Variants in KCNH2 observed in about 807,000 individuals in gnomAD.
The protein encoded by KCNH2 is voltage-gated inwardly rectifying potassium channel KCNH2.
A neutral mutation model predicts 95.9 loss-of-function variants in KCNH2; 35 were observed. The observed-to-expected ratio is 0.37, with a 90% CI of 0.28 to 0.48. The LOEUF (loss-of-function observed/expected upper bound fraction) is 0.48, where lower values mean the gene tolerates loss of function less well. KCNH2 is among the 20% of genes least tolerant of loss of function. The pLI is 0.99. For synonymous variants in KCNH2, 786 were observed against 754.7 expected (o/e 1.04, Z -0.68); for missense variants, 1,274 against 1,702.9 (o/e 0.75, Z 4.43).
chr7:150,947,018 G>A lies in KCNH2; in HGVS notation c.3189C>T (p.Val1063=), dbSNP rs541394173. 5 of 1,610,038 alleles carry A rather than the reference G, an allele frequency of 3.1e-6. No individual in the cohort carries two copies. The highest frequency in any genetic ancestry group is 1.1e-5 in the South Asian group (1 of 90,794). ...TCATCTGCCTCTGTAGCAGCTGCAGGACAGTGGCCATGTCTGCACTCAGCC... is the reference window on the plus strand; with the variant it reads ...TCATCTGCCTCTGTAGCAGCTGCAGAACAGTGGCCATGTCTGCACTCAGCC... ...ETRLSADMAT[V]LQLLQRQMTL... The change falls in exon 14 of 15, where the codon GTC becomes GTT. Residue 1063 remains valine (V), a synonymous_variant. Coordinates refer to ENST00000262186, the MANE Select transcript of KCNH2 (RefSeq NM_000238.4).
Position 150,948,445 on chromosome 7 carries a change from C to G in KCNH2, c.2691G>C (p.Lys897Asn), listed in dbSNP as rs758917587. ...RKLSFRRRTD[K>N]DTEQPGEVSA... is the part of the protein sequence containing the mutation. ...CCTTCCTCCCCTCCCCCGCCTCACC[C>G]TTGTCCGTGCGCCTGCGGAAGGACA... Residue 897 changes from lysine (K) to asparagine (N), a missense_variant and splice_region_variant, in exon 11 of 15, where the codon AAG (lysine) becomes AAC (asparagine). Physicochemically the swap from Lys to Asn is moderately conservative, Grantham distance 94. This residue lies in a region of KCNH2 where 457 missense variants were observed against 416.1 expected (regional missense o/e 1.10). Transcript: ENST00000262186. The G allele has an allele frequency of 4.4e-6, 7 of 1,602,370 alleles. No homozygotes were observed. In the South Asian group the frequency reaches 7.7e-5, roughly 18 times the overall value.
Position 150,956,515 on chromosome 7 carries a change from C to T in KCNH2, c.1128+776G>A, listed in dbSNP as rs373070539. ...CTCCTGACCCACCCACCCCCAGCCC[C>T]CAAAGGCTAGGATAAGGTGTCGGGT... On this transcript the variant is annotated intron_variant, in intron 5 of 14. Transcript: ENST00000262186. Among the ~76,000 whole-genome samples, 4 of 152,328 alleles carry T rather than the reference C, an allele frequency of 2.6e-5. No homozygotes were observed. The East Asian group carries it at 7.7e-4, about 29-fold the overall frequency.
At position 150,974,790 on chromosome 7, in the gene KCNH2, G is replaced by T; in HGVS notation, c.228C>A (p.Arg76=). 6.2e-7 allele frequency: 1 copy of T among 1,604,416 alleles called. No individual in the cohort carries two copies. Among genetic ancestry groups the T allele is most frequent in the Non-Finnish European group, 8.5e-7 (1 of 1,175,826 alleles). The change falls in exon 2 of 15, where the codon CGC becomes CGA. Residue 76 remains arginine, a synonymous_variant. Coordinates refer to ENST00000262186, the MANE Select transcript of KCNH2 (RefSeq NM_000238.4). ...CCTGCGCGATCTGCGCGGCAGCGCG[G>T]CGCTGCGTGCGCGGCCCGTGCAGGA... The part of the protein sequence containing the change: ...CDFLHGPRTQ[R]RAAAQIAQAL...
chr7:150,975,810 C>A (rs1347717862), intron 1 of KCNH2, among the ~76,000 whole-genome samples: 6 of 152,224 alleles, frequency 3.9e-5, no homozygotes, highest in East Asian at 1.9e-4. Context: ...AAGAGAGGGA[C>A]CTGCAGCTCC....
rs371624920 is a variant in KCNH2, at chr7:150,948,821, G to A, written c.2592+35C>T. ...AGGGGCAGCCACACAGCTGGAAGCA[G>A]GAGGATGGGGTCCAGCTCAGGGCAG... On this transcript the variant is annotated intron_variant, in intron 10 of 14. Transcript: ENST00000262186. 5.8e-5 allele frequency: 93 copies of A among 1,592,390 alleles called. No homozygotes were observed. The South Asian group carries it at 9.8e-4, about 17-fold the overall frequency.
rs1482003706 is a variant in KCNH2, at chr7:150,962,550, A to C, written c.308-2814T>G. ...ACCCCACATCTCAAAATCCCCTGCC[A>C]GGGTCGCAGAAACTCTAGGTATACG... On this transcript the variant is annotated intron_variant, in intron 2 of 14. Coordinates refer to ENST00000262186, the MANE Select transcript of KCNH2 (RefSeq NM_000238.4). This position sits in a 1 kb window ranked among gnomAD's most constrained non-coding sequence, Gnocchi z 5.7. Among the ~76,000 whole-genome samples, 2 of 151,898 alleles carry C rather than the reference A, an allele frequency of 1.3e-5. No homozygotes were observed. The highest frequency in any genetic ancestry group is 4.8e-5 in the African/African-American group (2 of 41,304).
In KCNH2 at chr7:150,958,276, C is replaced by T. The variant is rs1242612823; in HGVS notation, c.699G>A (p.Ala233=). Residue 233 remains alanine (A), a synonymous_variant, in exon 4 of 15, where the codon GCG becomes GCA. Transcript: ENST00000262186. The part of the protein sequence containing the change: ...AGLGPAEERR[A]LVGPGSPPRS... ...GGGGCGGAGAGCCGGGACCCACCAGCGCACGCCGCTCCTCCGCGGGCCCGA... is the reference window on the plus strand; with the variant it reads ...GGGGCGGAGAGCCGGGACCCACCAGTGCACGCCGCTCCTCCGCGGGCCCGA... 1.4e-6 allele frequency: 2 copies of T among 1,456,050 alleles called. No homozygotes were observed. Among genetic ancestry groups the T allele is most frequent in the African/African-American group, 1.5e-5 (1 of 67,944 alleles). The allele number at this position is 1,456,050 out of a possible 1,614,324, so 90.2% of individuals were successfully genotyped here. A position where few individuals can be genotyped will look rare whatever the true frequency, so the allele number is the denominator to read the frequency against.
chr7:150,973,062 A>G (rs1315469516), intron 2 of KCNH2, among the ~76,000 whole-genome samples: 3 of 152,250 alleles, frequency 2.0e-5, no homozygotes, highest in South Asian at 2.1e-4. Flanking sequence ...GGTCCAAAGC[A>G]AGGCACGTTA....
rs199473537 is a variant in KCNH2 at position 150,948,996 on chromosome 7, A to C, written c.2452T>G (p.Ser818Ala). 1.2e-6 allele frequency: 2 copies of C among 1,614,074 alleles called. No individual in the cohort carries two copies. The highest frequency in any genetic ancestry group is 1.7e-5 in the Admixed American group (1 of 60,006). The change falls in exon 10 of 15, where the codon TCG (serine) becomes GCG (alanine). Residue 818 changes from serine (S) to alanine (A), a missense_variant. By Grantham distance (99) the Ser-to-Ala change is moderately conservative. Coordinates refer to ENST00000262186, the MANE Select transcript of KCNH2 (RefSeq NM_000238.4). The stretch of plus-strand genomic sequence containing the variant: ...GTGAGGGCCCGCACATCCCCGTTCG[A>C]CTTGCCAGGCCTTGCATACAGGTTC... ...PLNLYARPGKSNGDVRALTYC... is the reference protein window; with the variant it reads ...PLNLYARPGKANGDVRALTYC...
At position 150,964,597 on chromosome 7, in the gene KCNH2, A is replaced by G. The variant is rs41308972; in HGVS notation, c.308-4861T>C. Among the ~76,000 whole-genome samples, 774 of 152,328 alleles carry G rather than the reference A, an allele frequency of 5.1e-3. 8 individuals carry two copies. The highest frequency in any genetic ancestry group is 0.017 in the African/African-American group (720 of 41,572). On this transcript the variant is annotated intron_variant, in intron 2 of 14. Transcript: ENST00000262186. ...CACTGGGTGCCAGATGAGATGACAG[A>G]TGGCTTTGTGGAAGCATCCAGAATT...
chr7:150,954,531 G>A (rs1009973270), intron 5 of KCNH2, among the ~76,000 whole-genome samples: 2 of 152,232 alleles, frequency 1.3e-5, no homozygotes, highest in East Asian at 1.9e-4. Flanking sequence ...CTCACCTATG[G>A]CCTTGGGCCA....
At chr7:150,968,733 C>T (rs1271791227) in intron 2 of KCNH2, among the ~76,000 whole-genome samples, 1 of 152,054 alleles carries the variant, frequency 6.6e-6, no homozygotes, top group East Asian at 1.9e-4. Context: ...AGAGGCAGGA[C>T]CCGGGGCCAG....
Position 150,952,334 on chromosome 7 carries a change from G to A in KCNH2, c.1557+91C>T. On this transcript the variant is annotated intron_variant, in intron 6 of 14. Coordinates refer to ENST00000262186, the MANE Select transcript of KCNH2 (RefSeq NM_000238.4). This position sits in a 1 kb window ranked among gnomAD's most constrained non-coding sequence, Gnocchi z 7.3. ...TTTCTCTCTCTCTCTCTTTTTCTCT[G>A]TCCTCCTCGCCACCCCCTCCACCCC... 5.9e-6 allele frequency: 7 copies of A among 1,186,118 alleles called. No individual in the cohort carries two copies. The highest frequency in any genetic ancestry group is 8.4e-6 in the Non-Finnish European group (7 of 830,112). The allele number at this position is 1,186,118 out of a possible 1,614,324, so 73.5% of individuals were successfully genotyped here.
intron 4 of KCNH2, 87 bp from the exon 5 acceptor site, chr7:150,957,589 C>A: frequency 2.1e-6 from 2 of 966,882 alleles, no homozygotes; most frequent in East Asian, 5.0e-5. Context: ...GAGACCAGGC[C>A]CTGCACAGTC....
intron 2 of KCNH2, among the ~76,000 whole-genome samples, chr7:150,972,826 G>A (rs768786984): frequency 1.3e-5 from 2 of 152,198 alleles, no homozygotes; most frequent in African/African-American, 4.8e-5. Flanking sequence ...CTGCAGAAGG[G>A]GGCCCATAGC....
At position 150,950,367 on chromosome 7, in the gene KCNH2, G is replaced by A; in HGVS notation, c.2199C>T (p.Asn733=). The change falls in exon 9 of 15, where the codon AAC becomes AAT. Residue 733 remains asparagine, a synonymous_variant. Transcript: ENST00000262186. ...CLQADICLHL[N]RSLLQHCKPF... is the part of the protein sequence containing the mutation. ...GTTTGCAGTGCTGCAGCAGTGAGCG[G>A]TTCAGGTGCAGGCAGATGTCAGCCT... The A allele has an allele frequency of 1.2e-6, 2 of 1,612,888 alleles. No homozygotes were observed. The highest frequency in any genetic ancestry group is 1.7e-6 in the Non-Finnish European group (2 of 1,179,756).
Position 150,947,069 on chromosome 7 carries a change from G to T in KCNH2, c.3153-15C>A, listed in dbSNP as rs41313755. The T allele has an allele frequency of 6.3e-7, 1 of 1,583,222 alleles. No individual in the cohort carries two copies. Among genetic ancestry groups the T allele is most frequent in the Admixed American group, 1.7e-5 (1 of 58,064 alleles). On this transcript the variant is annotated splice_polypyrimidine_tract_variant and intron_variant, in intron 13 of 14. Transcript: ENST00000262186. ...GGGTCTCCAGCCTGGGGCAGGAAGT[G>T]GGGGATGCTCAGAGAAGTGGGGACA...
At chr7:150,948,632 G>T in intron 10 of KCNH2, 89 bp from the exon 11 acceptor site, 1 of 1,298,914 alleles carries the variant, frequency 7.7e-7, no homozygotes, top group Non-Finnish European at 1.1e-6. Flanking sequence ...CACAGAAAAA[G>T]TAGGGCTGGG....
intron 2 of KCNH2, among the ~76,000 whole-genome samples, chr7:150,960,679 G>C (rs555639571): frequency 6.6e-6 from 1 of 152,308 alleles, no homozygotes; most frequent in East Asian, 1.9e-4. Context: ...AAGAGTCTAA[G>C]AAGCACTGCT....
Sources: allele counts gnomAD v4.1 joint callset (sites outside exome capture counted in the v4.1 genomes callset), GRCh38; gene constraint gnomAD v4.1.1; regional missense constraint gnomAD v4.1.1; non-coding constraint Gnocchi (gnomAD v3.1); transcripts MANE v1.5; gene names NCBI Gene and HGNC (gene_info 2026-07-23, HGNC 2026-07-21).